Variants in C4BPA observed in about 807,000 individuals in gnomAD.
C4BPA encodes complement component 4 binding protein alpha.
In C4BPA, 31 loss-of-function variants were observed where a neutral mutation model predicts 63.7. The observed-to-expected ratio is 0.49, with a 90% CI of 0.37 to 0.66. The LOEUF (loss-of-function observed/expected upper bound fraction) is 0.66. Among genes scored for constraint, C4BPA ranks in the 30% least tolerant of loss-of-function variants. The pLI is 0.00. For missense variants in C4BPA, 572 were observed against 723.3 expected, an observed-to-expected ratio of 0.79 and a Z score of 2.40; for synonymous variants, 259 against 254.7, an observed-to-expected ratio of 1.02 and a Z score of -0.16.
intron 1 of C4BPA, among the ~76,000 whole-genome samples, chr1:207,109,242 G>A (rs1400262404): frequency 1.3e-5 from 2 of 152,176 alleles, no homozygotes; most frequent in South Asian, 2.1e-4. Context: ...TCTGCACTGG[G>A]GTGTAATTAA....
chr1:207,144,755 C>T lies in C4BPA; in HGVS notation c.*38C>T, dbSNP rs879391940. The T allele has an allele frequency of 2.3e-5, 34 of 1,471,842 alleles. No homozygotes were observed. The highest frequency in any genetic ancestry group is 3.0e-5 in the Non-Finnish European group (32 of 1,078,442). 91.2% of individuals were successfully genotyped at this position (1,471,842 alleles called of 1,614,324 possible). A position where few individuals can be genotyped will look rare whatever the true frequency, so the allele number is the denominator to read the frequency against. ...GAAGGAGGAAAAGGTGTCTTGCTGGCTTGCCTCTTGCAATTCAATACAGAT... is the reference window on the plus strand; with the variant it reads ...GAAGGAGGAAAAGGTGTCTTGCTGGTTTGCCTCTTGCAATTCAATACAGAT... On this transcript the variant is annotated 3_prime_UTR_variant, in exon 12 of 12. Transcript: ENST00000367070.
At chr1:207,124,560 T>C (rs1475833551) in intron 6 of C4BPA, among the ~76,000 whole-genome samples, 194 bp downstream of exon 6, 2 of 151,942 alleles carry the variant, frequency 1.3e-5, no homozygotes, top group Non-Finnish European at 2.9e-5. Context: ...AAAATGGGAG[T>C]GGTGAACTGG....
chr1:207,109,580 A>T (rs1473388150), intron 1 of C4BPA, among the ~76,000 whole-genome samples: 2 of 152,230 alleles, frequency 1.3e-5, no homozygotes, highest in East Asian at 1.9e-4. Context: ...GTGTGACTCC[A>T]GAGCCCATGC....
At chr1:207,118,978 G>C (rs1450226419) in intron 4 of C4BPA, among the ~76,000 whole-genome samples, 2 of 151,502 alleles carry the variant, frequency 1.3e-5, no homozygotes, top group Admixed American at 1.3e-4. Context: ...CCTGAAGTAA[G>C]CAGGGCAGGG....
At chr1:207,142,381 C>T (rs1459641121) in intron 10 of C4BPA, among the ~76,000 whole-genome samples, 7 of 152,196 alleles carry the variant, frequency 4.6e-5, no homozygotes, top group South Asian at 2.1e-4. Flanking sequence ...AATAAACATA[C>T]GTGTGCATGT....
At chr1:207,116,516 A>ATGTG (rs57449727) in intron 4 of C4BPA, among the ~76,000 whole-genome samples, 5,509 of 79,676 alleles carry the variant, frequency 0.069, 128 homozygotes, top group Non-Finnish European at 0.1. Flanking sequence ...GTGTGTGTAT[A>ATGTG]TGTGTGTGTG....
intron 10 of C4BPA, among the ~76,000 whole-genome samples, chr1:207,142,891 G>A (rs1004454647): frequency 6.6e-6 from 1 of 152,024 alleles, no homozygotes; most frequent in African/African-American, 2.4e-5. Context: ...GTTGGTGGGA[G>A]TGTAAATTAG....
intron 7 of C4BPA, among the ~76,000 whole-genome samples, chr1:207,128,893 C>G (rs1685103941): frequency 6.6e-6 from 1 of 151,918 alleles, no homozygotes; most frequent in Non-Finnish European, 1.5e-5. Flanking sequence ...TGCAAAGAAA[C>G]AGGAAAGAGT....
Position 207,144,580 on chromosome 1 carries a change from A to G in C4BPA, c.1657A>G (p.Lys553Glu). 1 of 1,613,032 alleles carries G rather than the reference A, an allele frequency of 6.2e-7. No individual in the cohort carries two copies. The highest frequency in any genetic ancestry group is 2.2e-5 in the East Asian group (1 of 44,816). ...PEGCEQVLTG[K>E]RLMQCLPNPE... ...AGGCTGTGAACAAGTGCTCACAGGC[A>G]AAAGACTCATGCAGTGTCTCCCAAA... The change falls in exon 12 of 12, where the codon AAA (lysine) becomes GAA (glutamate). Residue 553 changes from lysine (K) to glutamate (E), a missense_variant. Transcript: ENST00000367070.
At chr1:207,143,710 A>G (rs1685469424) in intron 10 of C4BPA, 108 bp from the exon 11 acceptor site, 3 of 765,662 alleles carry the variant, frequency 3.9e-6, no homozygotes, top group Non-Finnish European at 6.3e-6. Flanking sequence ...GAAGAGAAAG[A>G]TAGAACAATT....
intron 6 of C4BPA, 43 bp downstream of exon 6, chr1:207,124,409 TTTTG>T: frequency 1.4e-6 from 2 of 1,475,888 alleles, no homozygotes; most frequent in Non-Finnish European, 1.9e-6. Flanking sequence ...GTTTGCTCTC[TTTTG>T]TTTAAAAGAG....
chr1:207,144,085 T>A (rs1685480634), intron 11 of C4BPA, 92 bp downstream of exon 11: 1 of 895,636 alleles, frequency 1.1e-6, no homozygotes, highest in Non-Finnish European at 1.6e-6. Context: ...AATGGTGAAA[T>A]CTGACTTGTC....
At position 207,126,794 on chromosome 1, in the gene C4BPA, T is replaced by C. The variant is rs1685053581; in HGVS notation, c.788T>C (p.Ile263Thr). Residue 263 changes from isoleucine to threonine, a missense_variant, in exon 7 of 12, where the codon ATT becomes ACT. Coordinates refer to ENST00000367070, the MANE Select transcript of C4BPA (RefSeq NM_000715.4). ...FGPIYNYKDTIVFKCQKGFVL... is the reference protein window; with the variant it reads ...FGPIYNYKDTTVFKCQKGFVL... ...CCCATCTATAATTACAAAGACACTA[T>C]TGTGTTTAAGTGCCAAAAAGGTTTT... 1.9e-6 allele frequency: 3 copies of C among 1,612,584 alleles called. No individual in the cohort carries two copies. The South Asian group carries it at 3.3e-5, about 18-fold the overall frequency.
At chr1:207,112,350 G>GTTTTT (rs61668698) in intron 1 of C4BPA, among the ~76,000 whole-genome samples, 1 of 114,164 alleles carries the variant, frequency 8.8e-6, no homozygotes, top group Non-Finnish European at 1.9e-5. Context: ...CTGCCTTTTT[G>GTTTTT]TTTTTTTTTT....
intron 9 of C4BPA, among the ~76,000 whole-genome samples, chr1:207,140,482 G>A (rs1268694712): frequency 6.6e-6 from 1 of 151,206 alleles, no homozygotes; most frequent in East Asian, 1.9e-4. Flanking sequence ...TACTTTGTCC[G>A]ACATTCCTGC....
intron 1 of C4BPA, among the ~76,000 whole-genome samples, chr1:207,106,663 G>A (rs540738872): frequency 1.6e-4 from 24 of 152,080 alleles, no homozygotes; most frequent in Non-Finnish European, 2.5e-4. Flanking sequence ...GGATGGTCTC[G>A]ACTTCCTGAC....
intron 7 of C4BPA, among the ~76,000 whole-genome samples, chr1:207,129,170 A>C (rs573953556): frequency 6.6e-6 from 1 of 152,258 alleles, no homozygotes; most frequent in African/African-American, 2.4e-5. Flanking sequence ...AATTCAAAAG[A>C]GGAACTCAAC....
At chr1:207,116,374 T>C (rs1684786567) in intron 4 of C4BPA, among the ~76,000 whole-genome samples, 1 of 151,982 alleles carries the variant, frequency 6.6e-6, no homozygotes, top group East Asian at 1.9e-4. Context: ...TTGTTTTTTT[T>C]CCTTAACTTG....
rs931567260 is a variant in C4BPA, at chr1:207,123,969, G to C, written c.476G>C (p.Arg159Thr). 3.1e-6 allele frequency: 5 copies of C among 1,611,998 alleles called. No individual in the cohort carries two copies. In the African/African-American group the frequency reaches 6.7e-5, roughly 22 times the overall value. ...ACTAGTCGTTGTGAAGTCCAAGATAGAGGAGTTGGCTGGAGTCATCCTCTC... is the reference window on the plus strand; with the variant it reads ...ACTAGTCGTTGTGAAGTCCAAGATACAGGAGTTGGCTGGAGTCATCCTCTC... ...STTSRCEVQD[R>T]GVGWSHPLPQ... The change falls in exon 5 of 12, where the codon AGA becomes ACA. Residue 159 changes from arginine to threonine, a missense_variant. Physicochemically the swap from Arg to Thr is moderately conservative, Grantham distance 71. Transcript: ENST00000367070.
Sources: gnomAD v4.1 joint callset for allele counts (sites outside exome capture counted in the v4.1 genomes callset) on GRCh38, gnomAD v4.1.1 for gene constraint, MANE v1.5 for transcripts, NCBI Gene and HGNC (gene_info 2026-07-23, HGNC 2026-07-21) for gene names.